TRAPPC9: variants seen among roughly 807,000 people sequenced by gnomAD.
TRAPPC9 encodes the protein IKK2 binding protein.
Under a neutral mutation model 124.0 loss-of-function variants are expected in TRAPPC9, and 83 were observed. The observed-to-expected ratio is 0.67, with a 90% CI of 0.56 to 0.80. The LOEUF is 0.80. TRAPPC9 is among the 30% of genes least tolerant of loss of function. The pLI is 0.00. For missense variants in TRAPPC9, 1,302 were observed against 1,508.3 expected, an observed-to-expected ratio of 0.86 and a Z score of 2.27; for synonymous variants, 638 against 617.5, an observed-to-expected ratio of 1.03 and a Z score of -0.49.
chr8:139,919,884 C>G (rs939338512), intron 19 of TRAPPC9, among the ~76,000 whole-genome samples: 1 of 152,226 alleles, frequency 6.6e-6, no homozygotes, highest in Non-Finnish European at 1.5e-5. Flanking sequence ...ATGACCCGCT[C>G]AGACTCCAGG....
chr8:139,924,616 A>G (rs1269304855), intron 19 of TRAPPC9, among the ~76,000 whole-genome samples: 1 of 152,184 alleles, frequency 6.6e-6, no homozygotes, highest in Non-Finnish European at 1.5e-5. Flanking sequence ...CTGGTTCTTC[A>G]GGGATAAGCT....
intron 17 of TRAPPC9, among the ~76,000 whole-genome samples, chr8:140,084,703 G>A (rs1844074697): frequency 6.6e-6 from 1 of 152,240 alleles, no homozygotes; most frequent in Non-Finnish European, 1.5e-5. Flanking sequence ...TGAAAGATCT[G>A]GCATGGTCCT....
chr8:140,454,640 C>CAA (rs34042143), intron 1 of TRAPPC9, among the ~76,000 whole-genome samples: 2,041 of 67,940 alleles, frequency 0.03, 53 homozygotes, highest in South Asian at 0.07. Context: ...GACTCCCTCT[C>CAA]AAAAAAAAAA....
intron 19 of TRAPPC9, among the ~76,000 whole-genome samples, chr8:139,977,737 G>A (rs1248973558): frequency 6.6e-6 from 1 of 151,788 alleles, no homozygotes; most frequent in Non-Finnish European, 1.5e-5. Context: ...CTGGAGTGCA[G>A]TGGGGCGATC....
At chr8:140,410,812 T>C (rs1050474598) in intron 5 of TRAPPC9, among the ~76,000 whole-genome samples, 2 of 150,810 alleles carry the variant, frequency 1.3e-5, no homozygotes, top group African/African-American at 2.4e-5. Flanking sequence ...CACTGCATTC[T>C]AGCCTGGGTG....
chr8:140,316,258 T>G (rs185362586), intron 9 of TRAPPC9, among the ~76,000 whole-genome samples: 110 of 152,244 alleles, frequency 7.2e-4, no homozygotes, highest in African/African-American at 2.4e-3. Context: ...ATCTTTTTGA[T>G]TTTTTGCTTA....
chr8:140,433,696 C>A (rs1282739023), intron 4 of TRAPPC9, among the ~76,000 whole-genome samples: 1 of 152,178 alleles, frequency 6.6e-6, no homozygotes, highest in Non-Finnish European at 1.5e-5. Context: ...AACGTTTTTA[C>A]TTTTCTCATC....
At chr8:140,094,122 C>T (rs1415753812) in intron 17 of TRAPPC9, among the ~76,000 whole-genome samples, 2 of 152,172 alleles carry the variant, frequency 1.3e-5, no homozygotes, top group Admixed American at 1.3e-4. Context: ...ACCCTGTGGA[C>T]TGACTCTCTC....
intron 21 of TRAPPC9, among the ~76,000 whole-genome samples, chr8:139,797,951 T>C (rs1038586602): frequency 1.7e-4 from 26 of 152,252 alleles, no homozygotes; most frequent in African/African-American, 6.3e-4. Context: ...AACTTCGTTC[T>C]TCTTTTTCAA....
rs150647854 is a variant in TRAPPC9, at chr8:140,202,998, A to G, written c.2556+18461T>C. Among the ~76,000 whole-genome samples, 328 of 152,380 alleles carry G rather than the reference A, an allele frequency of 2.2e-3. 1 individual carries two copies. The highest frequency in any genetic ancestry group is 7.2e-3 in the African/African-American group (299 of 41,594). ...ATCTGGTCTCTTCAACAAGCGTCCA[A>G]AAGAAAAAAGTGGTGCTAGCTGAAA... is the stretch of plus-strand genomic sequence containing the variant. On this transcript the variant is annotated intron_variant, in intron 17 of 22. Coordinates refer to ENST00000438773, the MANE Select transcript of TRAPPC9 (RefSeq NM_001160372.4).
intron 17 of TRAPPC9, among the ~76,000 whole-genome samples, chr8:140,107,805 G>A (rs1015970349): frequency 4.6e-5 from 7 of 152,178 alleles, no homozygotes; most frequent in East Asian, 1.9e-4. Flanking sequence ...CATGCATGGC[G>A]CACTCTGACT....
chr8:140,047,432 AGGCAT>A (rs1841680533), intron 17 of TRAPPC9, among the ~76,000 whole-genome samples: 1 of 152,260 alleles, frequency 6.6e-6, no homozygotes, highest in South Asian at 2.1e-4. Flanking sequence ...CCGGAGAGCC[AGGCAT>A]GGCAGCCCAC....
At chr8:140,296,609 C>G (rs1252884840) in intron 11 of TRAPPC9, among the ~76,000 whole-genome samples, 1 of 152,208 alleles carries the variant, frequency 6.6e-6, no homozygotes, top group Non-Finnish European at 1.5e-5. Context: ...GAGGCAGGGC[C>G]TACAATCCAT....
At chr8:140,215,311 A>C (rs2063164029) in intron 17 of TRAPPC9, among the ~76,000 whole-genome samples, 1 of 152,054 alleles carries the variant, frequency 6.6e-6, no homozygotes, top group Admixed American at 6.5e-5. Flanking sequence ...TGTCCTCCTT[A>C]AGGGTGGGAC....
intron 19 of TRAPPC9, among the ~76,000 whole-genome samples, chr8:139,982,058 G>A (rs1306335722): frequency 6.6e-6 from 1 of 152,162 alleles, no homozygotes; most frequent in African/African-American, 2.4e-5. Flanking sequence ...ATACATGAGG[G>A]TTGTCATGAA....
intron 5 of TRAPPC9, among the ~76,000 whole-genome samples, chr8:140,412,774 C>T (rs1391922874): frequency 6.6e-6 from 1 of 152,046 alleles, no homozygotes; most frequent in African/African-American, 2.4e-5. Context: ...ATTAGAATTA[C>T]AGTAAACTCA....
chr8:140,234,386 TG>T (rs2063680761), intron 16 of TRAPPC9, among the ~76,000 whole-genome samples: 1 of 152,162 alleles, frequency 6.6e-6, no homozygotes, highest in Admixed American at 6.5e-5. Context: ...GTGGCTGCCA[TG>T]GTGGACAGTA....
At position 139,825,388 on chromosome 8, in the gene TRAPPC9, T is replaced by A. The variant is rs139732896; in HGVS notation, c.3055+60491A>T. Among the ~76,000 whole-genome samples, 1,063 of 152,208 alleles carry A rather than the reference T, an allele frequency of 7.0e-3. 15 individuals carry two copies. Among genetic ancestry groups the A allele is most frequent in the African/African-American group, 0.024 (994 of 41,536 alleles). ...TCCTGTGAGGATGAAGGCCTGTCCATCCCATGGCTGTGCAGGATAAGGAAT... is the reference window on the plus strand; with the variant it reads ...TCCTGTGAGGATGAAGGCCTGTCCAACCCATGGCTGTGCAGGATAAGGAAT... On this transcript the variant is annotated intron_variant, in intron 21 of 22. Transcript: ENST00000438773. This position sits in a 1 kb window ranked among gnomAD's most constrained non-coding sequence, Gnocchi z 4.6.
intron 16 of TRAPPC9, among the ~76,000 whole-genome samples, chr8:140,232,656 G>C (rs888817588): frequency 6.6e-6 from 1 of 152,136 alleles, no homozygotes; most frequent in Non-Finnish European, 1.5e-5. Context: ...CAGCACGGAG[G>C]TTCCAATCCT....
Sources: allele counts gnomAD v4.1 joint callset (sites outside exome capture counted in the v4.1 genomes callset), GRCh38; gene constraint gnomAD v4.1.1; non-coding constraint Gnocchi (gnomAD v3.1); transcripts MANE v1.5; gene names NCBI Gene and HGNC (gene_info 2026-07-23, HGNC 2026-07-21).